The following NT5M variants were observed in gnomAD, a reference collection of about 807,000 sequenced individuals.
NT5M encodes 5'(3')-deoxyribonucleotidase, mitochondrial.
A neutral mutation model predicts 22.2 loss-of-function variants in NT5M; 22 were observed. The ratio of observed to expected loss-of-function variants is 0.99; its 90% CI spans 0.71 to 1.41. The LOEUF (loss-of-function observed/expected upper bound fraction) is 1.41, where lower values mean the gene tolerates loss of function less well. Among genes scored for constraint, NT5M ranks in the 40% most tolerant of loss-of-function variants. The probability of loss-of-function intolerance (pLI) is 0.00; values close to 1 mark genes in which losing one functional copy is unlikely to be tolerated. For synonymous variants in NT5M, 167 were observed against 133.0 expected (o/e 1.26, Z -1.76); for missense variants, 322 against 314.8 (o/e 1.02, Z -0.17).
chr17:17,303,491 G>A lies in NT5M; in HGVS notation c.-60G>A. The A allele has an allele frequency of 9.8e-7, 1 of 1,019,114 alleles. No homozygotes were observed. 63.1% of individuals were successfully genotyped at this position (1,019,114 alleles called of 1,614,324 possible). On this transcript the variant is annotated 5_prime_UTR_variant, in exon 1 of 5. Transcript: ENST00000389022. ...CCTCCGCGGCGGGAATGTCTGGCCGGCTCCGGCAGCACGGCGCGGCCCAGG... is the reference window on the plus strand; with the variant it reads ...CCTCCGCGGCGGGAATGTCTGGCCGACTCCGGCAGCACGGCGCGGCCCAGG...
chr17:17,313,716 G>C (rs1350455033), intron 2 of NT5M, among the ~76,000 whole-genome samples: 1 of 152,226 alleles, frequency 6.6e-6, no homozygotes, highest in Non-Finnish European at 1.5e-5. Context: ...AGATCTCAAA[G>C]TAATCGTGGC....
intron 3 of NT5M, 59 bp downstream of exon 3, chr17:17,323,304 G>A (rs1347910793): frequency 7.8e-6 from 11 of 1,414,998 alleles, no homozygotes; most frequent in Admixed American, 1.7e-5. Context: ...TGAGGGGTAC[G>A]GGGCTCAGCC....
chr17:17,321,216 G>A lies in NT5M; in HGVS notation c.369-1969G>A, dbSNP rs543437649. ...GGAGTCATGGAGAAGGATAGCAAGC[G>A]GGCATTCGGGAGGTGCCAGCATGCG... On this transcript the variant is annotated intron_variant, in intron 2 of 4. Transcript: ENST00000389022. Among the ~76,000 whole-genome samples, 16 of 152,066 alleles carry A rather than the reference G, an allele frequency of 1.1e-4. No individual in the cohort carries two copies. The South Asian group carries it at 1.9e-3, about 18-fold the overall frequency.
intron 3 of NT5M, among the ~76,000 whole-genome samples, chr17:17,338,231 C>CTT (rs1190646282): frequency 1.3e-5 from 2 of 148,630 alleles, no homozygotes; most frequent in African/African-American, 5.0e-5. Flanking sequence ...CTTACTCTGT[C>CTT]GCCCAGGCGG....
chr17:17,338,423 C>T (rs539044542), intron 3 of NT5M, among the ~76,000 whole-genome samples: 2 of 152,178 alleles, frequency 1.3e-5, no homozygotes, highest in South Asian at 4.1e-4. Context: ...GAACTCCTGA[C>T]CTCACGCTAT....
intron 2 of NT5M, among the ~76,000 whole-genome samples, chr17:17,317,060 T>TGTTTTTG (rs780396335): frequency 0.029 from 4,286 of 148,264 alleles, 196 homozygotes; most frequent in African/African-American, 0.095. Context: ...TTTTTGTTTT[T>TGTTTTTG]TTTTTTTGAG....
At chr17:17,345,160 GCTTCAAAGCCTTGT>G (rs1453007520) in intron 4 of NT5M, 163 of 1,112,012 alleles carry the variant, frequency 1.5e-4, no homozygotes, top group Non-Finnish European at 1.9e-4. Context: ...AGTCCCTTCA[GCTTCAAAGCCTTGT>G]CTTCCTCATG....
intron 3 of NT5M, among the ~76,000 whole-genome samples, chr17:17,342,019 A>G (rs937868040): frequency 1.3e-5 from 2 of 151,722 alleles, no homozygotes; most frequent in Non-Finnish European, 2.9e-5. Context: ...CGACAGCAAG[A>G]CTCTGTCTCA....
intron 2 of NT5M, among the ~76,000 whole-genome samples, chr17:17,315,744 GTTTTTTTGTTTTTTT>G (rs2049010718): frequency 1.5e-5 from 1 of 67,754 alleles, no homozygotes; most frequent in African/African-American, 6.4e-5. Context: ...CTAACTTAGG[GTTTTTTTGTTTTTTT>G]TTTTTTTTTT....
chr17:17,305,746 C>T (rs944352225), intron 1 of NT5M, among the ~76,000 whole-genome samples: 1 of 152,080 alleles, frequency 6.6e-6, no homozygotes, highest in African/African-American at 2.4e-5. Context: ...TTTCCCCTTG[C>T]CTGACCCTAG....
intron 3 of NT5M, among the ~76,000 whole-genome samples, chr17:17,340,393 T>A (rs1301635676): frequency 1.3e-5 from 2 of 152,186 alleles, no homozygotes; most frequent in African/African-American, 2.4e-5. Context: ...TGGCTAAAGG[T>A]TTGTCATTTT....
intron 3 of NT5M, among the ~76,000 whole-genome samples, chr17:17,342,775 G>C (rs1567901743): frequency 6.6e-6 from 1 of 152,208 alleles, no homozygotes; most frequent in African/African-American, 2.4e-5. Context: ...AGGCCTCTGT[G>C]TGAGGTTGGA....
intron 3 of NT5M, among the ~76,000 whole-genome samples, chr17:17,339,847 T>C (rs2049601036): frequency 6.6e-6 from 1 of 152,222 alleles, no homozygotes; most frequent in Non-Finnish European, 1.5e-5. Flanking sequence ...TGCTGGATGA[T>C]CTTTTTAATG....
chr17:17,328,285 C>T (rs980688747), intron 3 of NT5M, among the ~76,000 whole-genome samples: 3 of 152,100 alleles, frequency 2.0e-5, no homozygotes, highest in East Asian at 1.9e-4. Context: ...TGATTGGGAG[C>T]GGGGTTGGGC....
At chr17:17,335,264 A>ATTTTTTTTTTT (rs760152460) in intron 3 of NT5M, among the ~76,000 whole-genome samples, 3 of 148,310 alleles carry the variant, frequency 2.0e-5, no homozygotes, top group Non-Finnish European at 1.5e-5. Flanking sequence ...AATACAAGTG[A>ATTTTTTTTTTT]TTTTTTTTTT....
At chr17:17,315,437 C>G (rs1036773157) in intron 2 of NT5M, among the ~76,000 whole-genome samples, 1 of 152,130 alleles carries the variant, frequency 6.6e-6, no homozygotes, top group Non-Finnish European at 1.5e-5. Flanking sequence ...AGGAACTAAA[C>G]AAGGGGCTGT....
chr17:17,335,807 A>C (rs1272471140), intron 3 of NT5M, among the ~76,000 whole-genome samples: 5 of 151,270 alleles, frequency 3.3e-5, no homozygotes, highest in African/African-American at 1.2e-4. Flanking sequence ...TAATTTTTGT[A>C]TTTTTAGTAG....
intron 2 of NT5M, among the ~76,000 whole-genome samples, chr17:17,314,913 G>A (rs1439771570): frequency 1.3e-5 from 2 of 152,078 alleles, no homozygotes; most frequent in Non-Finnish European, 2.9e-5. Flanking sequence ...TCCCCTCCTG[G>A]TCGTTCTGTC....
chr17:17,317,739 C>A (rs1287583027), intron 2 of NT5M, among the ~76,000 whole-genome samples: 2 of 151,950 alleles, frequency 1.3e-5, no homozygotes, highest in Admixed American at 1.3e-4. Flanking sequence ...CCATGGAGGG[C>A]GAATCACCTG....
Sources: gnomAD v4.1 joint callset for allele counts (sites outside exome capture counted in the v4.1 genomes callset) on GRCh38, gnomAD v4.1.1 for gene constraint, MANE v1.5 for transcripts, NCBI Gene and HGNC (gene_info 2026-07-23, HGNC 2026-07-21) for gene names.